Variants in MIPOL1 observed in about 807,000 individuals in gnomAD.
MIPOL1 encodes the protein mirror-image polydactyly 1, also known as mirror-image polydactyly gene 1 protein.
In MIPOL1, 57 loss-of-function variants were observed where a neutral mutation model predicts 60.9. The observed-to-expected ratio is 0.94, with a 90% CI of 0.76 to 1.17. The LOEUF (loss-of-function observed/expected upper bound fraction) is 1.17. Among genes scored for constraint, MIPOL1 ranks in the 50% most tolerant of loss-of-function variants. MIPOL1 has a pLI of 0.00. For synonymous variants in MIPOL1, 179 were observed against 168.8 expected (o/e 1.06, Z -0.47); for missense variants, 551 against 511.6 (o/e 1.08, Z -0.74).
At position 37,447,263 on chromosome 14, in the gene MIPOL1, C is replaced by G. The variant is rs115726598; in HGVS notation, c.1031+24314C>G. On this transcript the variant is annotated intron_variant, in intron 11 of 12. Coordinates refer to ENST00000684589, the MANE Select transcript of MIPOL1 (RefSeq NM_001388067.1). ...ATTAACCCTAACCTCACATCCTTCA[C>G]AAAAATTACCATGACTGTTGCTTTT... Among the ~76,000 whole-genome samples the G allele has an allele frequency of 8.9e-3, 1,347 of 152,060 alleles. 21 individuals carry two copies. Among genetic ancestry groups the G allele is most frequent in the African/African-American group, 0.029 (1,211 of 41,510 alleles).
intron 12 of MIPOL1, among the ~76,000 whole-genome samples, chr14:37,542,692 T>C (rs895592579): frequency 1.3e-5 from 2 of 152,164 alleles, no homozygotes; most frequent in African/African-American, 2.4e-5. Flanking sequence ...GTAGGTTCTG[T>C]TAATACCTGT....
chr14:37,206,466 A>G (rs913839716), intron 1 of MIPOL1, among the ~76,000 whole-genome samples: 1 of 152,198 alleles, frequency 6.6e-6, no homozygotes, highest in Admixed American at 6.5e-5. Context: ...GCCCTCATGG[A>G]GAACTTCTGG....
intron 9 of MIPOL1, among the ~76,000 whole-genome samples, chr14:37,337,455 G>T (rs1445051683): frequency 7.9e-6 from 1 of 126,486 alleles, no homozygotes; most frequent in Admixed American, 9.4e-5. Context: ...TGCAACCTCC[G>T]CCTCCCAGGT....
intron 11 of MIPOL1, among the ~76,000 whole-genome samples, chr14:37,486,051 G>T (rs892469456): frequency 6.6e-6 from 1 of 152,056 alleles, no homozygotes; most frequent in African/African-American, 2.4e-5. Context: ...TCTTCATATG[G>T]CTAGCCAGTT....
chr14:37,224,014 A>G lies in MIPOL1; in HGVS notation c.-198-23089A>G, dbSNP rs536707321. Among the ~76,000 whole-genome samples the G allele has an allele frequency of 2.2e-3, 331 of 152,340 alleles. 3 individuals carry two copies. The highest frequency in any genetic ancestry group is 4.1e-3 in the Non-Finnish European group (280 of 68,020). On this transcript the variant is annotated intron_variant, in intron 1 of 12. Transcript: ENST00000684589. The stretch of plus-strand genomic sequence containing the variant: ...CTAGGTTGTGAAATCTAGCATTTTG[A>G]TGACCATTTATCTCCTCAGTTCCCT...
At chr14:37,285,596 C>CTT (rs767127738) in intron 7 of MIPOL1, 149 bp downstream of exon 7, 1,166 of 607,872 alleles carry the variant, frequency 1.9e-3, no homozygotes, top group Middle Eastern at 2.9e-3. Context: ...TTTTTCTTTT[C>CTT]TTTTTTTTTT....
chr14:37,349,319 A>G (rs1239183273), intron 9 of MIPOL1, among the ~76,000 whole-genome samples: 1 of 152,060 alleles, frequency 6.6e-6, no homozygotes, highest in Non-Finnish European at 1.5e-5. Flanking sequence ...AGGCAGTGTG[A>G]ATGTACAGTA....
chr14:37,464,475 A>G (rs2094575306), intron 11 of MIPOL1, among the ~76,000 whole-genome samples: 1 of 152,216 alleles, frequency 6.6e-6, no homozygotes, highest in South Asian at 2.1e-4. Flanking sequence ...GAAATAACTC[A>G]GAAACAGAAA....
intron 1 of MIPOL1, among the ~76,000 whole-genome samples, chr14:37,214,747 C>T (rs1967302535): frequency 6.6e-6 from 1 of 152,124 alleles, no homozygotes; most frequent in Non-Finnish European, 1.5e-5. Flanking sequence ...CTGGACAGGG[C>T]TACTAGAGGC....
intron 10 of MIPOL1, among the ~76,000 whole-genome samples, chr14:37,379,448 T>TA (rs973929229): frequency 1.3e-5 from 2 of 151,982 alleles, no homozygotes; most frequent in Non-Finnish European, 2.9e-5. Flanking sequence ...AAGCAACAAC[T>TA]AAAAAACAGT....
chr14:37,493,021 A>G, intron 11 of MIPOL1, among the ~76,000 whole-genome samples: 1 of 152,360 alleles, frequency 6.6e-6, no homozygotes, highest in Middle Eastern at 3.4e-3. Flanking sequence ...AATTAAAATA[A>G]ATAGCATATA....
intron 9 of MIPOL1, among the ~76,000 whole-genome samples, chr14:37,357,893 G>A (rs1399174320): frequency 4.6e-5 from 7 of 151,630 alleles, no homozygotes; most frequent in Non-Finnish European, 1.0e-4. Context: ...ACAATGTGCA[G>A]GTTTGTTACA....
At chr14:37,464,513 A>G (rs2094575675) in intron 11 of MIPOL1, among the ~76,000 whole-genome samples, 1 of 152,188 alleles carries the variant, frequency 6.6e-6, no homozygotes, top group Non-Finnish European at 1.5e-5. Context: ...CTCATAACTT[A>G]TAAGTGGGAG....
chr14:37,220,337 T>G (rs1968536246), intron 1 of MIPOL1, among the ~76,000 whole-genome samples: 1 of 152,240 alleles, frequency 6.6e-6, no homozygotes, highest in Non-Finnish European at 1.5e-5. Flanking sequence ...AATTCCTTCT[T>G]TTTAATGAAT....
At chr14:37,317,606 C>A (rs2088062218) in intron 9 of MIPOL1, among the ~76,000 whole-genome samples, 1 of 152,072 alleles carries the variant, frequency 6.6e-6, no homozygotes, top group Admixed American at 6.6e-5. Flanking sequence ...TAGAAAGAAA[C>A]TGAGGAGAGT....
At chr14:37,278,496 C>T (rs1184901703) in intron 6 of MIPOL1, 1 of 151,654 alleles carries the variant, frequency 6.6e-6, no homozygotes, top group Non-Finnish European at 1.5e-5. Context: ...GTAGTAAAGT[C>T]TGGTCTTTTA....
chr14:37,432,325 T>C (rs951321043), intron 11 of MIPOL1, among the ~76,000 whole-genome samples: 1 of 152,224 alleles, frequency 6.6e-6, no homozygotes, highest in African/African-American at 2.4e-5. Context: ...CTACTAGTGC[T>C]TCTGTTCTTT....
intron 9 of MIPOL1, among the ~76,000 whole-genome samples, chr14:37,335,694 A>G (rs2153457599): frequency 6.6e-6 from 1 of 152,246 alleles, no homozygotes; most frequent in African/African-American, 2.4e-5. Context: ...AACTTTGGCC[A>G]TTGTGAATAA....
At chr14:37,489,469 C>T (rs2095011806) in intron 11 of MIPOL1, among the ~76,000 whole-genome samples, 1 of 151,476 alleles carries the variant, frequency 6.6e-6, no homozygotes, top group South Asian at 2.1e-4. Flanking sequence ...TCAAACTCCT[C>T]CATCTAGTTT....
Sources: allele counts gnomAD v4.1 joint callset (sites outside exome capture counted in the v4.1 genomes callset), GRCh38; gene constraint gnomAD v4.1.1; transcripts MANE v1.5; gene names NCBI Gene and HGNC (gene_info 2026-07-23, HGNC 2026-07-21).